SYTL2: variants seen among roughly 807,000 people sequenced by gnomAD.
The protein encoded by SYTL2 is synaptotagmin-like protein 2.
A neutral mutation model predicts 198.7 loss-of-function variants in SYTL2; 165 were observed. That is an observed-to-expected ratio of 0.83 (90% CI 0.73 to 0.94). The LOEUF (loss-of-function observed/expected upper bound fraction) is 0.94. SYTL2 is among the 40% of genes least tolerant of loss of function. The probability of loss-of-function intolerance (pLI) is 0.00; values close to 1 mark genes in which losing one functional copy is unlikely to be tolerated. For synonymous variants in SYTL2, 966 were observed against 917.7 expected, an observed-to-expected ratio of 1.05 and a Z score of -0.95; for missense variants, 2,835 against 2,582.8, an observed-to-expected ratio of 1.10 and a Z score of -2.12.
chr11:85,830,197 G>C, the SYTL2 span, among the ~76,000 whole-genome samples: 1 of 152,150 alleles, frequency 6.6e-6, no homozygotes, highest in East Asian at 1.9e-4. Flanking sequence ...ATAGGGCTGT[G>C]GTGGGCCCCT....
rs975403575 is a variant in SYTL2 at position 85,725,811 on chromosome 11, C to A, written c.3547G>T (p.Glu1183Ter). 5 of 1,614,134 alleles carry A rather than the reference C, an allele frequency of 3.1e-6. No individual in the cohort carries two copies. Among genetic ancestry groups the A allele is most frequent in the Non-Finnish European group, 4.2e-6 (5 of 1,179,980 alleles). Residue 1183 changes from glutamate (E) to a stop codon, truncating the protein, a stop_gained, in exon 8 of 20, where the codon GAA (glutamate) becomes TAA (stop). Coordinates refer to ENST00000359152, the MANE Select transcript of SYTL2 (RefSeq NM_206927.4). LOFTEE classifies it high-confidence loss of function. ...QKTDFADTEE[E>*]VKGPEKIINE... ...ATGATCTTCTCAGGTCCTTTGACTTCTTCCTCAGTATCAGCAAAATCTGTT... is the reference window on the plus strand; with the variant it reads ...ATGATCTTCTCAGGTCCTTTGACTTATTCCTCAGTATCAGCAAAATCTGTT...
At chr11:85,768,415 G>C (rs182059565) in intron 1 of SYTL2, among the ~76,000 whole-genome samples, 49 of 152,262 alleles carry the variant, frequency 3.2e-4, no homozygotes, top group Non-Finnish European at 5.6e-4. Context: ...ACTCTCGTTT[G>C]TTTCTTCATC....
intron 2 of SYTL2, among the ~76,000 whole-genome samples, chr11:85,751,739 T>A (rs1301108819): frequency 6.6e-6 from 1 of 152,226 alleles, no homozygotes; most frequent in East Asian, 1.9e-4. Flanking sequence ...CATCTGACAC[T>A]TAACAAGCCT....
chr11:85,703,543 G>C (rs1180012528), intron 16 of SYTL2, among the ~76,000 whole-genome samples: 1 of 152,066 alleles, frequency 6.6e-6, no homozygotes, highest in African/African-American at 2.4e-5. Context: ...CTCCAAGATT[G>C]AAAAAGATGT....
intron 1 of SYTL2, among the ~76,000 whole-genome samples, chr11:85,800,567 C>T (rs1015330749): frequency 4.6e-5 from 7 of 152,178 alleles, no homozygotes; most frequent in African/African-American, 1.4e-4. Flanking sequence ...GAATGAGCCA[C>T]TATGCCTGGC....
chr11:85,809,401 C>T (rs950387027), intron 1 of SYTL2, among the ~76,000 whole-genome samples: 5 of 152,182 alleles, frequency 3.3e-5, no homozygotes, highest in South Asian at 2.1e-4. Flanking sequence ...TCCAGAATAA[C>T]GGAAACTCCT....
chr11:85,825,372 A>C, the SYTL2 span, among the ~76,000 whole-genome samples: 2 of 125,928 alleles, frequency 1.6e-5, no homozygotes, highest in African/African-American at 6.0e-5. Flanking sequence ...TGGGCGACAG[A>C]GCGAGACTCC....
chr11:85,798,106 G>C (rs1328103544), intron 1 of SYTL2, among the ~76,000 whole-genome samples: 5 of 150,846 alleles, frequency 3.3e-5, no homozygotes. Context: ...TGATCCACCT[G>C]CCTCAGCTTC....
At chr11:85,736,150 T>C (rs1194581545) in intron 6 of SYTL2, among the ~76,000 whole-genome samples, 2 of 152,214 alleles carry the variant, frequency 1.3e-5, no homozygotes, top group African/African-American at 4.8e-5. Flanking sequence ...GGCAAGCCCT[T>C]TTAAACAGAA....
intron 1 of SYTL2, among the ~76,000 whole-genome samples, chr11:85,804,575 A>T (rs1481673505): frequency 6.6e-6 from 1 of 152,202 alleles, no homozygotes; most frequent in Non-Finnish European, 1.5e-5. Context: ...TGTGAGGATT[A>T]AATAAATTGA....
chr11:85,771,098 T>C (rs1591980661), intron 1 of SYTL2, among the ~76,000 whole-genome samples: 1 of 152,350 alleles, frequency 6.6e-6, no homozygotes, highest in East Asian at 1.9e-4. Context: ...TTCCCACTTC[T>C]AGACTCTTTG....
chr11:85,725,293 A>G lies in SYTL2; in HGVS notation c.4065T>C (p.Thr1355=). The change falls in exon 8 of 20, where the codon ACT becomes ACC. Residue 1355 remains threonine, a synonymous_variant. Transcript: ENST00000359152. ...VHPSQTEISE[T]VEKVILPPRP... ...TGGGTGGAAGAATGACTTTCTCTAC[A>G]GTCTCCGAAATTTCCGTTTGAGAAG... The G allele has an allele frequency of 1.2e-6, 2 of 1,614,132 alleles. No individual in the cohort carries two copies. Among genetic ancestry groups the G allele is most frequent in the Non-Finnish European group, 1.7e-6 (2 of 1,180,006 alleles).
chr11:85,722,583 G>A (rs918490535), intron 8 of SYTL2, among the ~76,000 whole-genome samples: 42 of 152,112 alleles, frequency 2.8e-4, no homozygotes, highest in African/African-American at 3.4e-4. Context: ...ATTTGCAAGC[G>A]CTCCTTCTCC....
chr11:85,789,324 A>ATGTGTG lies in SYTL2; in HGVS notation c.-390+21624_-390+21629dup, dbSNP rs1173699592. ...ATTTATTTATATGATGTGTGTGTGT[A>ATGTGTG]TGTGTGTGTGTGTGTGTATATATAT... is the stretch of plus-strand genomic sequence containing the variant. On this transcript the variant is annotated intron_variant, in intron 1 of 19. Transcript: ENST00000359152. Among the ~76,000 whole-genome samples, 252 of 77,238 alleles carry ATGTGTG rather than the reference A, an allele frequency of 3.3e-3. 5 individuals carry two copies. The highest frequency in any genetic ancestry group is 0.011 in the African/African-American group (180 of 16,774). The allele number at this position is 77,238 out of a possible 152,430, so 50.7% of individuals were successfully genotyped here. A position where few individuals can be genotyped will look rare whatever the true frequency, so the allele number is the denominator to read the frequency against.
intron 4 of SYTL2, among the ~76,000 whole-genome samples, chr11:85,739,245 G>C (rs1376163071): frequency 6.9e-6 from 1 of 145,600 alleles, no homozygotes; most frequent in Admixed American, 7.1e-5. Context: ...TAGTAAGCAG[G>C]AGGCTGGCTT....
At chr11:85,747,303 A>G (rs2091219886) in intron 3 of SYTL2, among the ~76,000 whole-genome samples, 1 of 151,576 alleles carries the variant, frequency 6.6e-6, no homozygotes, top group Non-Finnish European at 1.5e-5. Flanking sequence ...AAAAAAAAAA[A>G]AGACATAAAA....
chr11:85,728,544 G>A (rs781647984), intron 7 of SYTL2, among the ~76,000 whole-genome samples: 4 of 151,934 alleles, frequency 2.6e-5, no homozygotes, highest in East Asian at 1.9e-4. Flanking sequence ...CTCAGCCTCC[G>A]AAAGTGCTGG....
chr11:85,710,538 A>C (rs553662808), intron 13 of SYTL2, among the ~76,000 whole-genome samples: 1 of 152,370 alleles, frequency 6.6e-6, no homozygotes, highest in South Asian at 2.1e-4. Context: ...TTACATACAT[A>C]CTACATGCAC....
the SYTL2 span, among the ~76,000 whole-genome samples, chr11:85,849,252 C>G: frequency 6.6e-6 from 1 of 152,172 alleles, no homozygotes; most frequent in African/African-American, 2.4e-5. Context: ...CCTGTTCACT[C>G]TGATGGTAGT....
Sources: gnomAD v4.1 joint callset for allele counts (sites outside exome capture counted in the v4.1 genomes callset) on GRCh38, gnomAD v4.1.1 for gene constraint, MANE v1.5 for transcripts, NCBI Gene and HGNC (gene_info 2026-07-23, HGNC 2026-07-21) for gene names.